KCNG4: variants seen among roughly 807,000 people sequenced by gnomAD.
KCNG4 encodes voltage-gated potassium channel regulatory subunit KCNG4.
A neutral mutation model predicts 28.2 loss-of-function variants in KCNG4; 30 were observed. The ratio of observed to expected loss-of-function variants is 1.06; its 90% CI spans 0.80 to 1.44. KCNG4 has a LOEUF of 1.44. Ranked by LOEUF, KCNG4 falls within the 40% of genes most tolerant of loss-of-function variation. The probability of loss-of-function intolerance (pLI) is 0.00; values close to 1 mark genes in which losing one functional copy is unlikely to be tolerated. For synonymous variants in KCNG4, 375 were observed against 315.5 expected, an observed-to-expected ratio of 1.19 and a Z score of -2.00; for missense variants, 879 against 712.3, an observed-to-expected ratio of 1.23 and a Z score of -2.66.
rs369899154 is a variant in KCNG4, at chr16:84,234,773, CA to C, written c.756+1956del. ...AAGCAGCTGGTCCCTCTCAGATTGA[CA>C]TTCCCTGAGGGCAAATAAGGAATAC... On this transcript the variant is annotated intron_variant, in intron 2 of 2. Coordinates refer to ENST00000308251, the MANE Select transcript of KCNG4 (RefSeq NM_172347.3). 2.9e-4 allele frequency among the ~76,000 whole-genome samples: 44 copies of C among 152,290 alleles called. No homozygotes were observed. In the East Asian group the frequency reaches 6.6e-3, roughly 23 times the overall value.
intron 2 of KCNG4, among the ~76,000 whole-genome samples, chr16:84,230,704 C>T (rs1194790905): frequency 6.6e-6 from 1 of 152,242 alleles, no homozygotes; most frequent in African/African-American, 2.4e-5. Flanking sequence ...GTTCTGCTCC[C>T]TAAGCCCACC....
chr16:84,223,089 G>A (rs1182205005), intron 2 of KCNG4, 69 bp from the exon 3 acceptor site: 44 of 1,230,668 alleles, frequency 3.6e-5, no homozygotes, highest in Non-Finnish European at 4.8e-5. Context: ...ATCGGGGGAC[G>A]ACTTCATGCC....
chr16:84,230,166 A>T (rs1192607338), intron 2 of KCNG4, among the ~76,000 whole-genome samples: 1 of 152,146 alleles, frequency 6.6e-6, no homozygotes, highest in African/African-American at 2.4e-5. Flanking sequence ...GCACTTTGGG[A>T]GGCGAAGGCT....
intron 2 of KCNG4, among the ~76,000 whole-genome samples, chr16:84,223,629 T>A (rs1904630652): frequency 1.3e-5 from 2 of 152,166 alleles, no homozygotes; most frequent in African/African-American, 4.8e-5. Context: ...GAGCAGGCAG[T>A]GTGACCCCAT....
In KCNG4 at chr16:84,222,724, AG is replaced by A; in HGVS notation, c.1052del (p.Ala351ValfsTer66). On this transcript the variant is annotated frameshift_variant, in exon 3 of 3. Coordinates refer to ENST00000308251, the MANE Select transcript of KCNG4 (RefSeq NM_172347.3). LOFTEE classifies it high-confidence loss of function. ...GCGTCTGCAGCCCCAGCGAGTGGCGAGCCAGGCGCATCACGTAGAGGATGCG... is the reference window on the plus strand; with the variant it reads ...GCGTCTGCAGCCCCAGCGAGTGGCGACCAGGCGCATCACGTAGAGGATGCG... ...ALRILYVMRL[A>X]RHSLGLQTLG... is the part of the protein sequence containing the mutation. The A allele has an allele frequency of 1.2e-6, 2 of 1,613,012 alleles. No homozygotes were observed. The highest frequency in any genetic ancestry group is 1.7e-6 in the Non-Finnish European group (2 of 1,179,622).
chr16:84,236,471 G>A (rs755587652), intron 2 of KCNG4: 4 of 542,586 alleles, frequency 7.4e-6, no homozygotes, highest in Admixed American at 3.6e-5. Context: ...CTGAGTCCAC[G>A]CATGGCTGAG....
intron 2 of KCNG4, among the ~76,000 whole-genome samples, chr16:84,234,182 A>AT (rs1037268938): frequency 4.6e-5 from 7 of 151,606 alleles, no homozygotes; most frequent in Admixed American, 6.6e-5. Flanking sequence ...CTCCACTGTA[A>AT]TTTTTTTTGA....
intron 1 of KCNG4, among the ~76,000 whole-genome samples, 186 bp from the exon 2 acceptor site, chr16:84,237,711 T>A (rs1238783144): frequency 6.6e-6 from 1 of 152,132 alleles, no homozygotes; most frequent in South Asian, 2.1e-4. Context: ...TTGGGATACA[T>A]CAGTGAAAAA....
Position 84,220,597 on chromosome 16 carries a change from T to G in KCNG4, c.*1620A>C. 1 of 152,278 alleles carries G rather than the reference T, an allele frequency of 6.6e-6. No homozygotes were observed. Among genetic ancestry groups the G allele is most frequent in the Admixed American group, 6.5e-5 (1 of 15,288 alleles). The allele number at this position is 152,278 out of a possible 1,614,324, so 9.4% of individuals were successfully genotyped here. ...CTCTCATACGTACACGATATCAGATTGGCAGGGCCGAAACCACTTCACTGT... is the reference window on the plus strand; with the variant it reads ...CTCTCATACGTACACGATATCAGATGGGCAGGGCCGAAACCACTTCACTGT... On this transcript the variant is annotated 3_prime_UTR_variant, in exon 3 of 3. Coordinates refer to ENST00000308251, the MANE Select transcript of KCNG4 (RefSeq NM_172347.3).
rs1393315273 is a variant in KCNG4, at chr16:84,222,783, C to T, written c.994G>A (p.Val332Met). 1.2e-6 allele frequency: 2 copies of T among 1,610,906 alleles called. No individual in the cohort carries two copies. The highest frequency in any genetic ancestry group is 2.7e-5 in the African/African-American group (2 of 74,890). ...RPSGSSYLEK[V>M]GLVLRVLRAL... ...CGCAGCACACGCAGGACCAGCCCCA[C>T]CTTCTCCAGGTAGGAGCTCCCGCTC... Residue 332 changes from valine (V) to methionine (M), a missense_variant, in exon 3 of 3, where the codon GTG becomes ATG. By Grantham distance (21) the Val-to-Met change is conservative (BLOSUM62 1). Coordinates refer to ENST00000308251, the MANE Select transcript of KCNG4 (RefSeq NM_172347.3).
In KCNG4 at chr16:84,237,304, A is replaced by G. The variant is rs1904994194; in HGVS notation, c.182T>C (p.Ile61Thr). 2 of 1,597,372 alleles carry G rather than the reference A, an allele frequency of 1.3e-6. No homozygotes were observed. Among genetic ancestry groups the G allele is most frequent in the South Asian group, 2.3e-5 (2 of 88,674 alleles). ...CCTCCTGCCCCCCACGTTGATCAGG[A>G]TCTCCTTCTTCAGGTCCACTGGGGA... ...DASPVDLKKE[I>T]LINVGGRRYL... The change falls in exon 2 of 3, where the codon ATC becomes ACC. Residue 61 changes from isoleucine to threonine, a missense_variant. By Grantham distance (89) the Ile-to-Thr change is moderately conservative. Transcript: ENST00000308251.
intron 2 of KCNG4, among the ~76,000 whole-genome samples, chr16:84,232,056 GA>G (rs2151338809): frequency 6.7e-6 from 1 of 149,918 alleles, no homozygotes; most frequent in South Asian, 2.1e-4. Flanking sequence ...CCTGCCTATT[GA>G]AAGGGGTCTG....
intron 2 of KCNG4, chr16:84,235,572 C>T (rs1009441850): frequency 1.3e-5 from 2 of 152,142 alleles, no homozygotes; most frequent in African/African-American, 4.8e-5. Context: ...TTTATTCAAC[C>T]CATATTTACT....
chr16:84,236,670 G>T, intron 2 of KCNG4, 60 bp downstream of exon 2: 1 of 1,510,522 alleles, frequency 6.6e-7, no homozygotes. Context: ...GCCCCTAAAA[G>T]ACATCTCCGC....
At chr16:84,237,977 A>C (rs1905016190) in intron 1 of KCNG4, among the ~76,000 whole-genome samples, 2 of 152,208 alleles carry the variant, frequency 1.3e-5, no homozygotes, top group South Asian at 4.1e-4. Context: ...TCTCAGGTTC[A>C]CTGGCAGGGA....
At position 84,222,573 on chromosome 16, in the gene KCNG4, A is replaced by G. The variant is rs780945574; in HGVS notation, c.1204T>C (p.Phe402Leu). 6.2e-7 allele frequency: 1 copy of G among 1,613,002 alleles called. No individual in the cohort carries two copies. Among genetic ancestry groups the G allele is most frequent in the South Asian group, 1.1e-5 (1 of 91,060 alleles). ...CAATAGGAGGCGGGGATGCTGGTGA[A>G]CTCCAGCACCCGCCCGGACTCCTTC... ...AEKESGRVLE[F>L]TSIPASYWWA... Residue 402 changes from phenylalanine (F) to leucine (L), a missense_variant, in exon 3 of 3, where the codon TTC (phenylalanine) becomes CTC (leucine). Transcript: ENST00000308251.
intron 1 of KCNG4, 30 bp from the exon 2 acceptor site, chr16:84,237,555 A>C: frequency 7.2e-7 from 1 of 1,392,410 alleles, no homozygotes; most frequent in Non-Finnish European, 9.4e-7. Context: ...GAGCAAGCAA[A>C]AGGAAGGGAA....
chr16:84,222,332 C>A lies in KCNG4; in HGVS notation c.1445G>T (p.Gly482Val). 1 of 1,614,080 alleles carries A rather than the reference C, an allele frequency of 6.2e-7. No individual in the cohort carries two copies. ...CAGGAGTTCACATTCACTGGCTGGA[C>A]CGGTGTTTTGGAGGTGGCGGAGGCG... is the stretch of plus-strand genomic sequence containing the variant. ...QARLRHLQNT[G>V]PASECELLDP... Residue 482 changes from glycine (G) to valine (V), a missense_variant, in exon 3 of 3, where the codon GGT (glycine) becomes GTT (valine). Coordinates refer to ENST00000308251, the MANE Select transcript of KCNG4 (RefSeq NM_172347.3).
rs1904602136 is a variant in KCNG4, at chr16:84,222,734, A to G, written c.1043T>C (p.Met348Thr). ...CCCCAGCGAGTGGCGAGCCAGGCGC[A>G]TCACGTAGAGGATGCGCAGCGCTCG... ...VLRALRILYV[M>T]RLARHSLGLQ... Residue 348 changes from methionine (M) to threonine (T), a missense_variant, in exon 3 of 3, where the codon ATG (methionine) becomes ACG (threonine). By Grantham distance (81) the Met-to-Thr change is moderately conservative. Transcript: ENST00000308251. 6.2e-7 allele frequency: 1 copy of G among 1,612,824 alleles called. No individual in the cohort carries two copies. The highest frequency in any genetic ancestry group is 1.3e-5 in the African/African-American group (1 of 74,912).
Sources: gnomAD v4.1 joint callset for allele counts (sites outside exome capture counted in the v4.1 genomes callset) on GRCh38, gnomAD v4.1.1 for gene constraint, MANE v1.5 for transcripts, NCBI Gene and HGNC (gene_info 2026-07-23, HGNC 2026-07-21) for gene names.